MED12L: variants seen among roughly 807,000 people sequenced by gnomAD.
MED12L encodes the protein mediator complex subunit 12L.
Under a neutral mutation model 281.3 loss-of-function variants are expected in MED12L, and 60 were observed. The observed-to-expected ratio is 0.21, with a 90% CI of 0.17 to 0.26. MED12L has a LOEUF of 0.26. Ranked by LOEUF, MED12L falls within the 10% of genes least tolerant of loss-of-function variation. The pLI is 1.00. For synonymous variants in MED12L, 974 were observed against 987.2 expected (o/e 0.99, Z 0.25); for missense variants, 2,146 against 2,680.9 (o/e 0.80, Z 4.41).
intron 39 of MED12L, among the ~76,000 whole-genome samples, chr3:151,408,219 G>T (rs1430511180): frequency 6.6e-6 from 1 of 152,122 alleles, no homozygotes; most frequent in Non-Finnish European, 1.5e-5. Context: ...TTCCTATAGG[G>T]TTCTTGTGAG....
chr3:151,407,459 A>G (rs1038892455), intron 39 of MED12L, among the ~76,000 whole-genome samples: 5 of 152,226 alleles, frequency 3.3e-5, no homozygotes, highest in African/African-American at 9.6e-5. Context: ...ACAAAGAAGC[A>G]CAACAGTATG....
At chr3:151,417,487 C>CCTCTT (rs1717736742) in intron 43 of MED12L, among the ~76,000 whole-genome samples, 1 of 78,816 alleles carries the variant, frequency 1.3e-5, no homozygotes, top group Non-Finnish European at 2.3e-5. Context: ...CCCCCCCCGC[C>CCTCTT]TTTTTTTTTT....
intron 16 of MED12L, among the ~76,000 whole-genome samples, chr3:151,301,447 A>T (rs910309239): frequency 6.6e-6 from 1 of 152,166 alleles, no homozygotes; most frequent in Admixed American, 6.5e-5. Context: ...GCAGTAAGAG[A>T]GAGAGAGCAG....
At chr3:151,383,049 T>G (rs577101005) in intron 33 of MED12L, among the ~76,000 whole-genome samples, 1 of 152,368 alleles carries the variant, frequency 6.6e-6, no homozygotes, top group East Asian at 1.9e-4. Flanking sequence ...AAGACTGTTA[T>G]AAGTGTTAGC....
At chr3:151,245,308 C>G (rs904659830) in intron 16 of MED12L, among the ~76,000 whole-genome samples, 8 of 151,818 alleles carry the variant, frequency 5.3e-5, no homozygotes, top group South Asian at 2.1e-4. Flanking sequence ...TGGGCAGAGA[C>G]ACAACCAACA....
chr3:151,363,091 G>A (rs1250820744), intron 21 of MED12L, among the ~76,000 whole-genome samples: 1 of 152,018 alleles, frequency 6.6e-6, no homozygotes, highest in South Asian at 2.1e-4. Context: ...AGTAACATGC[G>A]CTGGGCGTGG....
At chr3:151,095,628 C>G (rs61182389) in intron 2 of MED12L, among the ~76,000 whole-genome samples, 1 of 152,328 alleles carries the variant, frequency 6.6e-6, no homozygotes, top group Non-Finnish European at 1.5e-5. Context: ...TAACATTTAC[C>G]TGCCTACCAC....
chr3:151,378,323 C>A, intron 31 of MED12L, 150 bp downstream of exon 31: 1 of 818,966 alleles, frequency 1.2e-6, no homozygotes, highest in Non-Finnish European at 1.8e-6. Context: ...GCAAGGCTGT[C>A]TTATTCCTAA....
Position 151,378,068 on chromosome 3 carries a change from C to A in MED12L, c.4373C>A (p.Thr1458Asn), listed in dbSNP as rs772844769. 1 of 1,610,452 alleles carries A rather than the reference C, an allele frequency of 6.2e-7. No individual in the cohort carries two copies. Among genetic ancestry groups the A allele is most frequent in the South Asian group, 1.1e-5 (1 of 90,588 alleles). Residue 1458 changes from threonine (T) to asparagine (N), a missense_variant, in exon 31 of 45, where the codon ACT (threonine) becomes AAT (asparagine). Around this residue, in one of 9 missense-constraint regions of MED12L, gnomAD observed 212 missense variants for 340.8 expected, o/e 0.62. Transcript: ENST00000687756. The part of the protein sequence containing the change: ...LVAPLIARLP[T>N]SVQGRVLKAA... ...GCCCCCCTCATCGCCAGGTTGCCAA[C>A]TTCTGTGCAAGGAAGAGTGCTGAAA...
intron 38 of MED12L, among the ~76,000 whole-genome samples, chr3:151,390,569 T>C (rs1028424176): frequency 6.6e-6 from 1 of 152,194 alleles, no homozygotes; most frequent in African/African-American, 2.4e-5. Context: ...AAAACTACCA[T>C]AGTAAATGTT....
intron 30 of MED12L, among the ~76,000 whole-genome samples, 181 bp downstream of exon 30, chr3:151,377,359 TTTGA>T (rs1756971230): frequency 6.6e-6 from 1 of 152,210 alleles, no homozygotes; most frequent in South Asian, 2.1e-4. Flanking sequence ...CTTCGGAATA[TTTGA>T]TTGAGTAGGC....
At chr3:151,277,449 T>C (rs928385312) in intron 16 of MED12L, among the ~76,000 whole-genome samples, 2 of 152,156 alleles carry the variant, frequency 1.3e-5, no homozygotes, top group African/African-American at 4.8e-5. Context: ...ATTATCAAGT[T>C]TGTATGTTTT....
At chr3:151,175,096 T>C (rs910437706) in intron 11 of MED12L, among the ~76,000 whole-genome samples, 3 of 152,246 alleles carry the variant, frequency 2.0e-5, no homozygotes, top group African/African-American at 7.2e-5. Context: ...TTATCTTATA[T>C]TGGTGACTGT....
chr3:151,178,156 T>TCA lies in MED12L; in HGVS notation c.1495-7173_1495-7172dup, dbSNP rs1211884110. ...CTGGGCAACAGAATGAGACTTGGTC[T>TCA]CAAAAAAAAAAAAAAAAAAAAAAAA... On this transcript the variant is annotated intron_variant, in intron 11 of 44. Coordinates refer to ENST00000687756, the MANE Select transcript of MED12L (RefSeq NM_001393769.1). Among the ~76,000 whole-genome samples, 10 of 28,304 alleles carry TCA rather than the reference T, an allele frequency of 3.5e-4. No homozygotes were observed. In the East Asian group the frequency reaches 4.7e-3, roughly 13 times the overall value. The allele number at this position is 28,304 out of a possible 152,430, so 18.6% of individuals were successfully genotyped here. A position where few individuals can be genotyped will look rare whatever the true frequency, so the allele number is the denominator to read the frequency against.
intron 17 of MED12L, among the ~76,000 whole-genome samples, 154 bp from the exon 18 acceptor site, chr3:151,354,967 G>A (rs1256221165): frequency 6.6e-6 from 1 of 151,716 alleles, no homozygotes; most frequent in Non-Finnish European, 1.5e-5. Flanking sequence ...CTGTTACTTT[G>A]CATTCAAGTC....
intron 16 of MED12L, among the ~76,000 whole-genome samples, chr3:151,246,060 C>G (rs1235026714): frequency 6.6e-6 from 1 of 151,638 alleles, no homozygotes; most frequent in Admixed American, 6.6e-5. Flanking sequence ...ATCCAACTTA[C>G]AAGGGATGTG....
intron 16 of MED12L, among the ~76,000 whole-genome samples, chr3:151,288,702 C>T (rs893928708): frequency 1.3e-5 from 2 of 152,144 alleles, no homozygotes; most frequent in Non-Finnish European, 2.9e-5. Flanking sequence ...GCAGGCAGGC[C>T]TTGATTTCAC....
At chr3:151,318,889 A>G (rs149458264) in intron 16 of MED12L, among the ~76,000 whole-genome samples, 2 of 152,254 alleles carry the variant, frequency 1.3e-5, no homozygotes, top group African/African-American at 4.8e-5. Context: ...ATGTCCCTTC[A>G]CTACAGTAGG....
At chr3:151,268,115 A>T (rs1243847544) in intron 16 of MED12L, among the ~76,000 whole-genome samples, 2 of 152,106 alleles carry the variant, frequency 1.3e-5, no homozygotes, top group Non-Finnish European at 2.9e-5. Context: ...ACTTCTTTTT[A>T]TGTTTTCAGC....
Sources: allele counts gnomAD v4.1 joint callset (sites outside exome capture counted in the v4.1 genomes callset), GRCh38; gene constraint gnomAD v4.1.1; regional missense constraint gnomAD v4.1.1; transcripts MANE v1.5; gene names NCBI Gene and HGNC (gene_info 2026-07-23, HGNC 2026-07-21).